GRID1: variants seen among roughly 807,000 people sequenced by gnomAD.
The protein encoded by GRID1 is glutamate ionotropic receptor delta type subunit 1.
GRID1 carries 28 observed loss-of-function variants against 98.0 expected under a neutral mutation model. The ratio of observed to expected loss-of-function variants is 0.29; its 90% CI spans 0.21 to 0.39. GRID1 has a LOEUF of 0.39. Among genes scored for constraint, GRID1 ranks in the 10% least tolerant of loss-of-function variants. The pLI is 1.00. For missense variants in GRID1, 1,111 were observed against 1,340.5 expected, an observed-to-expected ratio of 0.83 and a Z score of 2.67; for synonymous variants, 553 against 538.5, an observed-to-expected ratio of 1.03 and a Z score of -0.37.
intron 2 of GRID1, among the ~76,000 whole-genome samples, chr10:86,244,631 C>T (rs904109346): frequency 1.3e-5 from 2 of 152,222 alleles, no homozygotes; most frequent in Non-Finnish European, 2.9e-5. Flanking sequence ...GCTCCAGCGG[C>T]GAACACAAGA....
chr10:86,034,626 GGT>G (rs1843230217), intron 4 of GRID1, among the ~76,000 whole-genome samples: 1 of 151,458 alleles, frequency 6.6e-6, no homozygotes, highest in African/African-American at 2.4e-5. Flanking sequence ...TTTGCTTCCT[GGT>G]AAGGGGCCTT....
chr10:86,152,598 C>T (rs1845184857), intron 3 of GRID1, among the ~76,000 whole-genome samples: 2 of 152,346 alleles, frequency 1.3e-5, no homozygotes, highest in Admixed American at 1.3e-4. Context: ...TGGGGCCTGC[C>T]ACAGGGGAGG....
chr10:86,096,085 T>A (rs921067505), intron 4 of GRID1, among the ~76,000 whole-genome samples: 10 of 152,164 alleles, frequency 6.6e-5, no homozygotes, highest in African/African-American at 2.2e-4. Context: ...TTCTAAGTGA[T>A]GTAATTCAGA....
intron 8 of GRID1, among the ~76,000 whole-genome samples, chr10:85,773,335 G>A (rs1842293054): frequency 6.6e-6 from 1 of 152,070 alleles, no homozygotes; most frequent in African/African-American, 2.4e-5. Context: ...AAAATAATAA[G>A]AGCTATCTAT....
At chr10:85,725,326 G>T (rs1841750143) in intron 10 of GRID1, among the ~76,000 whole-genome samples, 1 of 152,114 alleles carries the variant, frequency 6.6e-6, no homozygotes, top group South Asian at 2.1e-4. Context: ...TTAATTCATG[G>T]CTTGCAAACC....
At chr10:85,784,105 A>G (rs1842404769) in intron 8 of GRID1, among the ~76,000 whole-genome samples, 1 of 152,246 alleles carries the variant, frequency 6.6e-6, no homozygotes, top group South Asian at 2.1e-4. Flanking sequence ...GGAGCTGGGG[A>G]ACATCTTGCA....
At chr10:85,636,804 C>T (rs1843049519) in intron 13 of GRID1, among the ~76,000 whole-genome samples, 1 of 151,912 alleles carries the variant, frequency 6.6e-6, no homozygotes, top group Non-Finnish European at 1.5e-5. Context: ...CATTCAAAGC[C>T]CTGCTTTTGG....
chr10:85,795,931 G>A (rs564787443), intron 8 of GRID1, among the ~76,000 whole-genome samples: 3 of 152,280 alleles, frequency 2.0e-5, no homozygotes, highest in East Asian at 3.9e-4. Flanking sequence ...GAGAGTCACA[G>A]GAAGAGACAG....
At chr10:85,781,776 A>G (rs941663434) in intron 8 of GRID1, among the ~76,000 whole-genome samples, 48 of 151,990 alleles carry the variant, frequency 3.2e-4, no homozygotes, top group African/African-American at 1.0e-3. Context: ...TCAATTTCCA[A>G]TGAAGAAAGA....
At chr10:86,268,785 G>T (rs1278071638) in intron 2 of GRID1, among the ~76,000 whole-genome samples, 2 of 152,182 alleles carry the variant, frequency 1.3e-5, no homozygotes, top group Non-Finnish European at 2.9e-5. Flanking sequence ...AAGGTCAGGA[G>T]TTTGAGACTA....
intron 12 of GRID1, among the ~76,000 whole-genome samples, chr10:85,658,180 C>G (rs1168719076): frequency 6.6e-6 from 1 of 152,028 alleles, no homozygotes; most frequent in Non-Finnish European, 1.5e-5. Flanking sequence ...CAGCCTGAGT[C>G]TCTTCTCTCC....
At chr10:86,221,863 G>A (rs914288297) in intron 2 of GRID1, among the ~76,000 whole-genome samples, 1 of 150,436 alleles carries the variant, frequency 6.6e-6, no homozygotes, top group African/African-American at 2.4e-5. Context: ...CAGCCAGAGG[G>A]CTGGAGGTGG....
intron 13 of GRID1, chr10:85,646,907 G>A (rs1316041207): frequency 4.7e-6 from 2 of 429,360 alleles, no homozygotes; most frequent in Non-Finnish European, 8.6e-6. Context: ...CACCTCGGGT[G>A]GACAGGCCTC....
chr10:86,316,488 C>A (rs78016657), intron 2 of GRID1, among the ~76,000 whole-genome samples: 6,426 of 152,344 alleles, frequency 0.042, 169 homozygotes, highest in Middle Eastern at 0.068. Context: ...TGAAACCAGA[C>A]AAAGAGCCTT....
At chr10:85,780,167 C>T (rs896662758) in intron 8 of GRID1, among the ~76,000 whole-genome samples, 1 of 152,178 alleles carries the variant, frequency 6.6e-6, no homozygotes, top group African/African-American at 2.4e-5. Context: ...CTAATCCCAG[C>T]CCTAGAGCAT....
intron 2 of GRID1, among the ~76,000 whole-genome samples, chr10:86,259,003 T>C: frequency 6.6e-6 from 1 of 152,258 alleles, no homozygotes; most frequent in South Asian, 2.1e-4. Context: ...CAGAAATTAA[T>C]GCTAAGTTTC....
chr10:85,696,738 C>T (rs915165316), intron 12 of GRID1, among the ~76,000 whole-genome samples: 5 of 151,800 alleles, frequency 3.3e-5, no homozygotes, highest in African/African-American at 1.2e-4. Flanking sequence ...ACTAAGAATC[C>T]TGAATTTAAG....
At chr10:85,778,082 T>G (rs1176525195) in intron 8 of GRID1, among the ~76,000 whole-genome samples, 1 of 152,010 alleles carries the variant, frequency 6.6e-6, no homozygotes, top group African/African-American at 2.4e-5. Context: ...AAGAGATAAA[T>G]AAAAGATGAA....
chr10:85,789,341 G>A (rs1268204362), intron 8 of GRID1, among the ~76,000 whole-genome samples: 1 of 152,148 alleles, frequency 6.6e-6, no homozygotes, highest in Non-Finnish European at 1.5e-5. Flanking sequence ...GGGCCCTGGG[G>A]AAGATGCCAG....
Sources: allele counts gnomAD v4.1 joint callset (sites outside exome capture counted in the v4.1 genomes callset), GRCh38; gene constraint gnomAD v4.1.1; transcripts MANE v1.5; gene names NCBI Gene and HGNC (gene_info 2026-07-23, HGNC 2026-07-21).